The following KALRN variants were observed in gnomAD, a reference collection of about 807,000 sequenced individuals.
The protein encoded by KALRN is kalirin RhoGEF kinase.
Under a neutral mutation model 353.7 loss-of-function variants are expected in KALRN, and 70 were observed. That is an observed-to-expected ratio of 0.20 (90% confidence interval 0.16 to 0.24). KALRN has a LOEUF of 0.24. Among genes scored for constraint, KALRN ranks in the 10% least tolerant of loss-of-function variants. The pLI is 1.00. For missense variants in KALRN, 2,791 were observed against 3,756.7 expected (o/e 0.74, Z 6.72); for synonymous variants, 1,391 against 1,434.8 (o/e 0.97, Z 0.69).
At chr3:124,561,089 G>C (rs2071943213) in intron 33 of KALRN, among the ~76,000 whole-genome samples, 1 of 152,192 alleles carries the variant, frequency 6.6e-6, no homozygotes, top group Non-Finnish European at 1.5e-5. Flanking sequence ...GTACCACCTG[G>C]TTATTGTGAG....
At chr3:124,141,535 A>G (rs561396047) in intron 1 of KALRN, among the ~76,000 whole-genome samples, 43 of 152,304 alleles carry the variant, frequency 2.8e-4, no homozygotes, top group African/African-American at 1.0e-3. Flanking sequence ...CTTCTTCCAC[A>G]GAATCCCCAT....
At chr3:124,330,063 C>A (rs2149433082) in intron 8 of KALRN, 71 bp downstream of exon 8, 1 of 1,508,504 alleles carries the variant, frequency 6.6e-7, no homozygotes. Context: ...GGGCACTGGC[C>A]TGTGCCCTGT....
intron 25 of KALRN, among the ~76,000 whole-genome samples, chr3:124,471,347 C>T (rs551709029): frequency 1.5e-4 from 22 of 151,134 alleles, no homozygotes; most frequent in African/African-American, 3.2e-4. Flanking sequence ...TGCAATGGCG[C>T]GATCTCAGCT....
chr3:124,482,277 C>T (rs1439862328), intron 27 of KALRN, among the ~76,000 whole-genome samples: 1 of 152,058 alleles, frequency 6.6e-6, no homozygotes, highest in East Asian at 1.9e-4. Flanking sequence ...AAGTGATGAC[C>T]CTAAGTTGGG....
chr3:124,383,122 A>T (rs1382503213), intron 10 of KALRN, among the ~76,000 whole-genome samples: 2 of 152,110 alleles, frequency 1.3e-5, no homozygotes, highest in African/African-American at 2.4e-5. Flanking sequence ...CATTGGAACG[A>T]TGTTTACCTT....
At chr3:124,530,235 A>T (rs1455202075) in intron 33 of KALRN, among the ~76,000 whole-genome samples, 2 of 152,220 alleles carry the variant, frequency 1.3e-5, no homozygotes, top group Admixed American at 6.5e-5. Context: ...CATATAGTCC[A>T]TTTGGGAGAG....
Position 124,617,442 on chromosome 3 carries a change from A to G in KALRN, c.5183-14978A>G, listed in dbSNP as rs76975600. ...ATGTAAACAAGCATTTATCAGTGCC[A>G]AACAAATAGCACAAAAAGGTATTCA... On this transcript the variant is annotated intron_variant, in intron 34 of 59. Coordinates refer to ENST00000682506, the MANE Select transcript of KALRN (RefSeq NM_001388419.1). Among the ~76,000 whole-genome samples the G allele has an allele frequency of 9.4e-4, 143 of 152,364 alleles. 1 individual carries two copies. The East Asian group carries it at 0.026, about 28-fold the overall frequency.
chr3:124,585,857 C>T (rs969508963), intron 34 of KALRN, among the ~76,000 whole-genome samples: 2 of 152,310 alleles, frequency 1.3e-5, no homozygotes, highest in East Asian at 1.9e-4. Flanking sequence ...CACCCAGTCT[C>T]CCATCCCATC....
chr3:124,256,693 G>A (rs962272822), intron 3 of KALRN, among the ~76,000 whole-genome samples: 10 of 152,146 alleles, frequency 6.6e-5, no homozygotes, highest in African/African-American at 2.4e-4. Flanking sequence ...ATCAGACCTG[G>A]AGCCAGCCCA....
intron 3 of KALRN, among the ~76,000 whole-genome samples, chr3:124,244,340 C>G (rs867479348): frequency 6.6e-6 from 1 of 152,094 alleles, no homozygotes; most frequent in African/African-American, 2.4e-5. Context: ...TTGGTTCAAG[C>G]GATCCTCTTG....
chr3:124,338,218 T>C (rs1490499422), intron 9 of KALRN, among the ~76,000 whole-genome samples: 3 of 152,186 alleles, frequency 2.0e-5, no homozygotes, highest in African/African-American at 7.2e-5. Flanking sequence ...GTTCTTTTAA[T>C]TGTGATGTTA....
intron 9 of KALRN, among the ~76,000 whole-genome samples, chr3:124,340,702 C>T (rs2081608298): frequency 6.6e-6 from 1 of 151,524 alleles, no homozygotes; most frequent in Non-Finnish European, 1.5e-5. Flanking sequence ...CACCTGTAAT[C>T]CCAGCACTTT....
At chr3:124,224,964 T>C (rs1204423031) in intron 1 of KALRN, among the ~76,000 whole-genome samples, 1 of 152,226 alleles carries the variant, frequency 6.6e-6, no homozygotes, top group African/African-American at 2.4e-5. Flanking sequence ...CAACATTTCA[T>C]TGATTCATTT....
intron 31 of KALRN, 96 bp downstream of exon 31, chr3:124,491,520 A>G (rs2063158598): frequency 2.5e-6 from 2 of 816,090 alleles, no homozygotes; most frequent in Non-Finnish European, 3.6e-6. Flanking sequence ...CAGAGACTCT[A>G]CTGAGCCATG....
At chr3:124,258,325 G>A (rs1007173948) in intron 3 of KALRN, among the ~76,000 whole-genome samples, 5 of 152,298 alleles carry the variant, frequency 3.3e-5, no homozygotes, top group Middle Eastern at 3.4e-3. Context: ...TCAAGAGACC[G>A]TGGCCTCTTG....
chr3:124,580,384 G>GGGGGGGGGGGT (rs1398227667), intron 34 of KALRN, among the ~76,000 whole-genome samples: 4 of 148,666 alleles, frequency 2.7e-5, no homozygotes, highest in East Asian at 2.0e-4. Context: ...GGGGAGGGGG[G>GGGGGGGGGGGT]ACTCAGGCAG....
intron 43 of KALRN, 107 bp downstream of exon 43, chr3:124,659,564 C>T (rs915711181): frequency 2.1e-5 from 16 of 768,852 alleles, no homozygotes; most frequent in Middle Eastern, 2.7e-4. Context: ...CACACTGTCC[C>T]AAAGGACTGT....
chr3:124,704,535 A>T lies in KALRN; in HGVS notation c.8075+2419A>T, dbSNP rs1487927257. On this transcript the variant is annotated intron_variant, in intron 57 of 59. Coordinates refer to ENST00000682506, the MANE Select transcript of KALRN (RefSeq NM_001388419.1). ...AACAGAATGGAAATAATACATGGAA[A>T]TTCTTTTTTTTTCTTTTTTCTTTTT... 8.8e-5 allele frequency among the ~76,000 whole-genome samples: 12 copies of T among 136,408 alleles called. No individual in the cohort carries two copies. The Admixed American group carries it at 8.9e-4, about 10-fold the overall frequency. The allele number at this position is 136,408 out of a possible 152,430, so 89.5% of individuals were successfully genotyped here.
intron 39 of KALRN, 46 bp downstream of exon 39, chr3:124,655,713 C>T (rs1304345508): frequency 6.4e-6 from 9 of 1,406,434 alleles, no homozygotes; most frequent in Non-Finnish European, 8.1e-6. Context: ...CAACCAGGAG[C>T]ACGTTGGACC....
Sources: gnomAD v4.1 joint callset for allele counts (sites outside exome capture counted in the v4.1 genomes callset) on GRCh38, gnomAD v4.1.1 for gene constraint, MANE v1.5 for transcripts, NCBI Gene and HGNC (gene_info 2026-07-23, HGNC 2026-07-21) for gene names.